GPC5: variants seen among roughly 807,000 people sequenced by gnomAD.
GPC5 encodes the protein glypican-5.
In GPC5, 47 loss-of-function variants were observed where a neutral mutation model predicts 53.9. The observed-to-expected ratio is 0.87, with a 90% CI of 0.69 to 1.11. GPC5 has a LOEUF of 1.11. Ranked by LOEUF, GPC5 falls within the 50% of genes most tolerant of loss-of-function variation. GPC5 has a pLI of 0.00. For synonymous variants in GPC5, 286 were observed against 263.3 expected, an observed-to-expected ratio of 1.09 and a Z score of -0.84; for missense variants, 748 against 713.1, an observed-to-expected ratio of 1.05 and a Z score of -0.56.
intron 7 of GPC5, among the ~76,000 whole-genome samples, chr13:92,251,898 T>G (rs1159648273): frequency 1.3e-5 from 2 of 152,144 alleles, no homozygotes; most frequent in African/African-American, 4.8e-5. Context: ...TACAGCACAG[T>G]GTTATCCAAT....
intron 7 of GPC5, among the ~76,000 whole-genome samples, chr13:92,647,151 T>C (rs1885800260): frequency 6.6e-6 from 1 of 152,134 alleles, no homozygotes; most frequent in African/African-American, 2.4e-5. Flanking sequence ...CTCAGCCTAA[T>C]GTTGGATATA....
intron 7 of GPC5, among the ~76,000 whole-genome samples, chr13:92,309,104 A>C (rs2043129636): frequency 6.6e-6 from 1 of 152,152 alleles, no homozygotes; most frequent in South Asian, 2.1e-4. Context: ...TAGCATCTGC[A>C]GCAGAATGAA....
intron 2 of GPC5, among the ~76,000 whole-genome samples, chr13:91,592,732 C>A (rs558053431): frequency 3.5e-4 from 54 of 152,290 alleles, no homozygotes; most frequent in African/African-American, 1.2e-3. Flanking sequence ...GGATCCAAAG[C>A]CTTCCTAGGT....
chr13:92,382,560 TTTGA>T (rs2043757815), intron 7 of GPC5, among the ~76,000 whole-genome samples: 1 of 151,446 alleles, frequency 6.6e-6, no homozygotes, highest in Non-Finnish European at 1.5e-5. Context: ...TCAAAACTTC[TTTGA>T]CTGAAGTTGT....
chr13:91,512,558 C>T (rs1434155549), intron 2 of GPC5, among the ~76,000 whole-genome samples: 5 of 152,244 alleles, frequency 3.3e-5, no homozygotes, highest in African/African-American at 2.4e-5. Flanking sequence ...AGGCCCTGCA[C>T]ACCTCGAGGT....
chr13:91,958,433 G>T (rs760161105), intron 6 of GPC5, among the ~76,000 whole-genome samples: 1 of 151,980 alleles, frequency 6.6e-6, no homozygotes, highest in South Asian at 2.1e-4. Flanking sequence ...AATAATAGTT[G>T]GGGACTTCTG....
At chr13:92,378,605 T>A (rs952121820) in intron 7 of GPC5, among the ~76,000 whole-genome samples, 10 of 152,194 alleles carry the variant, frequency 6.6e-5, no homozygotes, top group Admixed American at 6.5e-4. Context: ...AGAACTTTTC[T>A]TAGTACCGTT....
chr13:92,142,385 C>T (rs988677545), intron 6 of GPC5, among the ~76,000 whole-genome samples: 15 of 152,072 alleles, frequency 9.9e-5, no homozygotes, highest in African/African-American at 3.6e-4. Context: ...TCTTGGTGTC[C>T]ATTTTGCTGT....
At chr13:92,134,840 A>T (rs2138967016) in intron 6 of GPC5, among the ~76,000 whole-genome samples, 4 of 152,198 alleles carry the variant, frequency 2.6e-5, no homozygotes, top group Admixed American at 2.6e-4. Flanking sequence ...CAGTATATGT[A>T]TATGTGATTT....
At chr13:91,886,818 C>T (rs1285714338) in intron 5 of GPC5, among the ~76,000 whole-genome samples, 1 of 152,224 alleles carries the variant, frequency 6.6e-6, no homozygotes, top group Non-Finnish European at 1.5e-5. Context: ...CAGCCTTGGT[C>T]AGCTCTCCCC....
chr13:91,559,014 G>A (rs994204192), intron 2 of GPC5, among the ~76,000 whole-genome samples: 2 of 151,978 alleles, frequency 1.3e-5, no homozygotes, highest in Admixed American at 6.6e-5. Context: ...AAATTACTAT[G>A]AGGGTTTTTG....
intron 6 of GPC5, among the ~76,000 whole-genome samples, chr13:91,958,248 A>T: frequency 6.6e-6 from 1 of 150,602 alleles, no homozygotes; most frequent in East Asian, 2.0e-4. Context: ...TATGTTAGAT[A>T]AAACAGATGT....
At chr13:92,393,933 A>G (rs147282407) in intron 7 of GPC5, among the ~76,000 whole-genome samples, 5 of 152,228 alleles carry the variant, frequency 3.3e-5, no homozygotes, top group African/African-American at 1.2e-4. Context: ...TTATCTTGTT[A>G]TAGTCTTTAA....
chr13:92,800,475 G>A (rs1876861395), intron 7 of GPC5, among the ~76,000 whole-genome samples: 1 of 151,860 alleles, frequency 6.6e-6, no homozygotes, highest in Non-Finnish European at 1.5e-5. Context: ...TGCCCAAACA[G>A]TAAGTGTTGC....
At chr13:92,251,315 T>C (rs1450447086) in intron 7 of GPC5, among the ~76,000 whole-genome samples, 7 of 152,118 alleles carry the variant, frequency 4.6e-5, no homozygotes, top group Admixed American at 4.6e-4. Context: ...GTTAACATGT[T>C]AGGCTGAGTT....
chr13:92,828,152 T>C (rs746017813), intron 7 of GPC5, among the ~76,000 whole-genome samples: 3 of 152,106 alleles, frequency 2.0e-5, no homozygotes, highest in Non-Finnish European at 2.9e-5. Context: ...TTAAATGCTA[T>C]CTGTCCATCC....
chr13:91,429,370 A>G (rs1166763281), intron 1 of GPC5, among the ~76,000 whole-genome samples: 1 of 152,174 alleles, frequency 6.6e-6, no homozygotes, highest in South Asian at 2.1e-4. Context: ...TACATGGTCT[A>G]TGTCCCCAAG....
At chr13:92,343,162 T>C (rs1050846050) in intron 7 of GPC5, among the ~76,000 whole-genome samples, 5 of 152,182 alleles carry the variant, frequency 3.3e-5, no homozygotes, top group Non-Finnish European at 7.4e-5. Context: ...GGTAGTGTCC[T>C]CCTTTGTAGT....
At chr13:92,822,077 T>C (rs7330923) in intron 7 of GPC5, among the ~76,000 whole-genome samples, 42,354 of 152,006 alleles carry the variant, frequency 0.28, 8,479 homozygotes, top group African/African-American at 0.56. Context: ...AGTTTGGACA[T>C]ATTATTTAGC....
Sources: allele counts gnomAD v4.1 joint callset (sites outside exome capture counted in the v4.1 genomes callset), GRCh38; gene constraint gnomAD v4.1.1; transcripts MANE v1.5; gene names NCBI Gene and HGNC (gene_info 2026-07-23, HGNC 2026-07-21).